The following LPIN1 variants were observed in gnomAD, a reference collection of about 807,000 sequenced individuals.
LPIN1 encodes the protein phosphatidate phosphatase LPIN1.
In LPIN1, 71 loss-of-function variants were observed where a neutral mutation model predicts 107.5. That is an observed-to-expected ratio of 0.66 (90% CI 0.55 to 0.80). LPIN1 has a LOEUF of 0.80. Among genes scored for constraint, LPIN1 ranks in the 30% least tolerant of loss-of-function variants. The pLI, the probability that LPIN1 is intolerant of heterozygous loss-of-function variation, is 0.00. For missense variants in LPIN1, 1,043 were observed against 1,160.6 expected (o/e 0.90, Z 1.47); for synonymous variants, 445 against 452.6 (o/e 0.98, Z 0.21).
At position 11,771,559 on chromosome 2, in the gene LPIN1, G is replaced by T; in HGVS notation, c.476G>T (p.Arg159Met). 4 of 1,614,026 alleles carry T rather than the reference G, an allele frequency of 2.5e-6. No homozygotes were observed. Among genetic ancestry groups the T allele is most frequent in the Non-Finnish European group, 3.4e-6 (4 of 1,179,966 alleles). ...SSVVKKRRKRRRKSQLDSLKR... is the reference protein window; with the variant it reads ...SSVVKKRRKRMRKSQLDSLKR... ...GTAGTAAAGAAGAGAAGAAAAAGGA[G>T]GAGAAAGTCACAGCTGGACAGCCTG... Residue 159 changes from arginine (R) to methionine (M), a missense_variant, in exon 4 of 21, where the codon AGG (arginine) becomes ATG (methionine). Transcript: ENST00000674199. This position sits in a 1 kb window ranked among gnomAD's most constrained non-coding sequence, Gnocchi z 4.8.
At chr2:11,804,399 A>G (rs1048333557) in intron 15 of LPIN1, 24 bp from the exon 16 acceptor site, 1 of 1,613,918 alleles carries the variant, frequency 6.2e-7, no homozygotes, top group Non-Finnish European at 8.5e-7. Flanking sequence ...AAGCAGACAA[A>G]TACTAATGGT....
chr2:11,752,187 G>A (rs1379888990), intron 1 of LPIN1, among the ~76,000 whole-genome samples: 3 of 152,144 alleles, frequency 2.0e-5, no homozygotes, highest in Non-Finnish European at 4.4e-5. Flanking sequence ...CAAAAGATGG[G>A]CATTGCCACA....
chr2:11,740,987 A>G (rs1276469089), intron 1 of LPIN1: 2 of 167,406 alleles, frequency 1.2e-5, no homozygotes, highest in East Asian at 3.4e-4. Context: ...CTTCTCATAA[A>G]TTTCTTCCCA....
At chr2:11,768,254 A>G (rs941852419) in intron 3 of LPIN1, among the ~76,000 whole-genome samples, 3 of 152,244 alleles carry the variant, frequency 2.0e-5, no homozygotes, top group Non-Finnish European at 4.4e-5. Context: ...GATATACATC[A>G]CATATACACA....
Position 11,827,194 on chromosome 2 carries a change from G to A in LPIN1, c.*2403G>A, listed in dbSNP as rs1682468418. 1 of 152,542 alleles carries A rather than the reference G, an allele frequency of 6.6e-6. No individual in the cohort carries two copies. Among genetic ancestry groups the A allele is most frequent in the Admixed American group, 6.5e-5 (1 of 15,282 alleles). 9.4% of individuals were successfully genotyped at this position (152,542 alleles called of 1,614,324 possible). ...CTGGCATAGAGAAAAATATATACCT[G>A]GTACATTGGAGAAAAATAATTACAC... On this transcript the variant is annotated 3_prime_UTR_variant, in exon 21 of 21. Coordinates refer to ENST00000674199, the MANE Select transcript of LPIN1 (RefSeq NM_001349206.2). This position sits in a 1 kb window ranked among gnomAD's most constrained non-coding sequence, Gnocchi z 4.1.
intron 1 of LPIN1, among the ~76,000 whole-genome samples, chr2:11,693,814 A>G (rs1558723691): frequency 9.1e-5 from 3 of 32,928 alleles, no homozygotes; most frequent in South Asian, 2.4e-3. Flanking sequence ...ATATATATAT[A>G]TATATATATT....
chr2:11,810,356 G>C (rs1679438492), intron 17 of LPIN1, among the ~76,000 whole-genome samples: 1 of 152,058 alleles, frequency 6.6e-6, no homozygotes. Flanking sequence ...CAAAGGAGAG[G>C]AAAGCTCACC....
intron 20 of LPIN1, among the ~76,000 whole-genome samples, chr2:11,824,239 A>G (rs1369416914): frequency 1.3e-5 from 2 of 151,732 alleles, no homozygotes; most frequent in African/African-American, 2.4e-5. Context: ...CAATGAAGCA[A>G]TCTCTGTCAG....
chr2:11,684,204 G>A (rs577189058), intron 1 of LPIN1, among the ~76,000 whole-genome samples: 4 of 152,314 alleles, frequency 2.6e-5, no homozygotes, highest in East Asian at 3.9e-4. Flanking sequence ...TGCTTCTGAC[G>A]TAGTAAGCAG....
chr2:11,752,275 T>C (rs1240067944), intron 1 of LPIN1, among the ~76,000 whole-genome samples: 1 of 152,178 alleles, frequency 6.6e-6, no homozygotes, highest in Non-Finnish European at 1.5e-5. Flanking sequence ...CCCTGGGGTT[T>C]TAATGAAATG....
chr2:11,725,647 G>A (rs1664563265), intron 1 of LPIN1, among the ~76,000 whole-genome samples: 1 of 152,186 alleles, frequency 6.6e-6, no homozygotes, highest in African/African-American at 2.4e-5. Flanking sequence ...TTTATAGGAA[G>A]CGCAATTCCA....
At chr2:11,819,326 T>C (rs2148731480) in intron 18 of LPIN1, 158 bp from the exon 19 acceptor site, 2 of 625,190 alleles carry the variant, frequency 3.2e-6, no homozygotes, top group South Asian at 1.9e-5. Flanking sequence ...TTACTTTCCA[T>C]CTCGTGCTTT....
At chr2:11,758,377 C>T (rs1215516999) in intron 1 of LPIN1, among the ~76,000 whole-genome samples, 5 of 152,158 alleles carry the variant, frequency 3.3e-5, no homozygotes, top group South Asian at 2.1e-4. Context: ...TTTACATTCC[C>T]GCCAACAGTG....
rs932451100 is a variant in LPIN1 at position 11,707,796 on chromosome 2, G to A, written c.82-5960G>A. Among the ~76,000 whole-genome samples, 2 of 152,174 alleles carry A rather than the reference G, an allele frequency of 1.3e-5. No homozygotes were observed. The highest frequency in any genetic ancestry group is 2.9e-5 in the Non-Finnish European group (2 of 68,028). ...CTGTGAGCACCACAGGTGCTCACCT[G>A]CCTGCTGGGATGGACCTTACCATTG... On this transcript the variant is annotated intron_variant, in intron 1 of 21. Coordinates refer to the LPIN1 transcript ENST00000449576. This position sits in a 1 kb window ranked among gnomAD's most constrained non-coding sequence, Gnocchi z 4.2.
intron 6 of LPIN1, chr2:11,777,411 A>G (rs1490800077): frequency 2.6e-5 from 4 of 152,134 alleles, no homozygotes; most frequent in African/African-American, 7.2e-5. Context: ...GAGTGCCTCT[A>G]TGGGTTTTGT....
intron 1 of LPIN1, among the ~76,000 whole-genome samples, chr2:11,748,010 A>G (rs62113308): frequency 6.6e-6 from 1 of 152,174 alleles, no homozygotes; most frequent in Admixed American, 6.5e-5. Context: ...GGTCTCGCTT[A>G]TCAGCAGTTC....
intron 1 of LPIN1, among the ~76,000 whole-genome samples, chr2:11,725,089 A>G (rs369473782): frequency 0.021 from 3,251 of 152,116 alleles, 103 homozygotes; most frequent in African/African-American, 0.074. Flanking sequence ...GTGAAATCCC[A>G]TCTCTACTAA....
chr2:11,784,633 G>C (rs1227458621), intron 9 of LPIN1: 1 of 568,228 alleles, frequency 1.8e-6, no homozygotes, highest in Non-Finnish European at 3.2e-6. Context: ...AGGGAGGACA[G>C]CTTGCTTCTT....
At chr2:11,759,113 T>G (rs180853450) in intron 1 of LPIN1, among the ~76,000 whole-genome samples, 1 of 149,526 alleles carries the variant, frequency 6.7e-6, no homozygotes, top group Non-Finnish European at 1.5e-5. Flanking sequence ...AGTTATGAGC[T>G]AGCTAGCTTG....
Sources: allele counts gnomAD v4.1 joint callset (sites outside exome capture counted in the v4.1 genomes callset), GRCh38; gene constraint gnomAD v4.1.1; non-coding constraint Gnocchi (gnomAD v3.1); transcripts MANE v1.5; gene names NCBI Gene and HGNC (gene_info 2026-07-23, HGNC 2026-07-21).